The following TTBK2 variants were observed in gnomAD, a reference collection of about 807,000 sequenced individuals.
TTBK2 encodes the protein tau tubulin kinase 2.
In TTBK2, 28 loss-of-function variants were observed where a neutral mutation model predicts 110.8. That is an observed-to-expected ratio of 0.25 (90% confidence interval 0.19 to 0.35). The LOEUF (loss-of-function observed/expected upper bound fraction) is 0.35. Ranked by LOEUF, TTBK2 falls within the 10% of genes least tolerant of loss-of-function variation. The pLI is 1.00. For synonymous variants in TTBK2, 532 were observed against 527.3 expected (o/e 1.01, Z -0.12); for missense variants, 1,369 against 1,500.3 (o/e 0.91, Z 1.45).
intron 6 of TTBK2, among the ~76,000 whole-genome samples, chr15:42,827,253 T>A (rs111501079): frequency 7.0e-4 from 107 of 152,004 alleles, no homozygotes; most frequent in Non-Finnish European, 2.6e-4. Context: ...CGGAATAGAT[T>A]TCACTAAAAT....
In TTBK2 at chr15:42,849,442, T is replaced by C. The variant is rs572743136; in HGVS notation, c.218-9009A>G. On this transcript the variant is annotated intron_variant, in intron 3 of 14. Transcript: ENST00000267890. ...TATAATTTTAACATCTGTATGATCC[T>C]AGCATTGGCATCTATGTTCTATCTT... Among the ~76,000 whole-genome samples the C allele has an allele frequency of 6.6e-5, 10 of 152,356 alleles. No homozygotes were observed. In the East Asian group the frequency reaches 1.7e-3, roughly 26 times the overall value.
chr15:42,860,240 C>A (rs549969904), intron 3 of TTBK2, among the ~76,000 whole-genome samples: 1 of 152,040 alleles, frequency 6.6e-6, no homozygotes, highest in South Asian at 2.1e-4. Flanking sequence ...CCAGGAAATT[C>A]AGAAAACGCC....
intron 13 of TTBK2, among the ~76,000 whole-genome samples, chr15:42,758,512 A>G (rs990165734): frequency 2.0e-5 from 3 of 151,936 alleles, no homozygotes; most frequent in African/African-American, 7.3e-5. Flanking sequence ...AAAATTAGCC[A>G]GGCATGGTGG....
In TTBK2 at chr15:42,872,610, C is replaced by T; in HGVS notation, c.217+1G>A. The T allele has an allele frequency of 1.2e-6, 2 of 1,614,034 alleles. No homozygotes were observed. Among genetic ancestry groups the T allele is most frequent in the Non-Finnish European group, 1.7e-6 (2 of 1,179,958 alleles). On this transcript the variant is annotated splice_donor_variant, in intron 3 of 14. Transcript: ENST00000267890. LOFTEE classifies it high-confidence loss of function. ...AATTGTATATTCTACAAAGGGCTTA[C>T]CTTGCAGCTTTTTCAAAACAGCAAC...
At chr15:42,808,489 C>T (rs1350001011) in intron 9 of TTBK2, among the ~76,000 whole-genome samples, 1 of 151,892 alleles carries the variant, frequency 6.6e-6, no homozygotes, top group African/African-American at 2.4e-5. Flanking sequence ...ATGCTTTTTG[C>T]TTGTTGCTGG....
chr15:42,799,880 A>G (rs142215411), intron 9 of TTBK2, among the ~76,000 whole-genome samples: 11 of 152,242 alleles, frequency 7.2e-5, no homozygotes, highest in African/African-American at 2.4e-4. Flanking sequence ...TTCAAGATAC[A>G]AAGTAATAAA....
Position 42,844,665 on chromosome 15 carries a change from G to A in TTBK2, c.218-4232C>T, listed in dbSNP as rs556545714. On this transcript the variant is annotated intron_variant, in intron 3 of 14. Transcript: ENST00000267890. ...GCATTTAATCCTGCCAATAATGTAA[G>A]TATTATTATATTCTCCATTTTTCAA... is the stretch of plus-strand genomic sequence containing the variant. Among the ~76,000 whole-genome samples, 5 of 152,268 alleles carry A rather than the reference G, an allele frequency of 3.3e-5. 2 individuals carry two copies. The highest frequency in any genetic ancestry group is 1.2e-4 in the African/African-American group (5 of 41,550).
intron 10 of TTBK2, among the ~76,000 whole-genome samples, chr15:42,784,963 T>C (rs1255382164): frequency 1.3e-5 from 2 of 152,170 alleles, no homozygotes; most frequent in Non-Finnish European, 2.9e-5. Context: ...ACTTTCTCCC[T>C]GGCCTCTTGA....
At chr15:42,871,151 T>C (rs769053960) in intron 3 of TTBK2, among the ~76,000 whole-genome samples, 7 of 152,162 alleles carry the variant, frequency 4.6e-5, no homozygotes, top group Admixed American at 3.3e-4. Context: ...AGTCAAGGAC[T>C]ACCTCACTGA....
chr15:42,908,179 C>T (rs186133585), intron 1 of TTBK2: 11 of 152,106 alleles, frequency 7.2e-5, no homozygotes, highest in African/African-American at 2.2e-4. Flanking sequence ...TTTAGACTGG[C>T]GAAAGTACAG....
chr15:42,890,430 C>T (rs957992388), intron 1 of TTBK2, among the ~76,000 whole-genome samples: 9 of 152,152 alleles, frequency 5.9e-5, no homozygotes, highest in African/African-American at 1.9e-4. Context: ...GAGGATCCTT[C>T]CAGACTTTGC....
In TTBK2 at chr15:42,878,492, TAC is replaced by T. The variant is rs10650948; in HGVS notation, c.69+55_69+56del. ...ACCAAAAATTACCCCCCGATATGTA[TAC>T]ACACACACACACACACACACACACA... On this transcript the variant is annotated intron_variant, in intron 2 of 14. Transcript: ENST00000267890. 25,975 of 1,523,284 alleles carry T rather than the reference TAC, an allele frequency of 0.017. 82 individuals carry two copies. The highest frequency in any genetic ancestry group is 0.1 in the East Asian group (4,370 of 42,070). The allele number at this position is 1,523,284 out of a possible 1,614,324, so 94.4% of individuals were successfully genotyped here.
At chr15:42,881,071 C>G (rs1181729694) in intron 1 of TTBK2, among the ~76,000 whole-genome samples, 3 of 152,016 alleles carry the variant, frequency 2.0e-5, no homozygotes, top group African/African-American at 4.8e-5. Context: ...CTCTTGAGGT[C>G]AGGAGTTCGA....
At chr15:42,763,111 TATATATAC>T (rs1567008473) in intron 13 of TTBK2, among the ~76,000 whole-genome samples, 22 of 115,926 alleles carry the variant, frequency 1.9e-4, no homozygotes, top group African/African-American at 8.6e-4. Flanking sequence ...TACGTATATA[TATATATAC>T]ACATATATAT....
In TTBK2 at chr15:42,815,907, T is replaced by TA. The variant is rs1379708025; in HGVS notation, c.603+1124_603+1125insT. The stretch of plus-strand genomic sequence containing the variant: ...ATATATTTAAAAATATATATATATA[T>TA]TTAAAAATATATATATATTTAAAAA... On this transcript the variant is annotated intron_variant, in intron 7 of 14. Transcript: ENST00000267890. Among the ~76,000 whole-genome samples, 284 of 106,794 alleles carry TA rather than the reference T, an allele frequency of 2.7e-3. 8 individuals carry two copies. Among genetic ancestry groups the TA allele is most frequent in the African/African-American group, 0.012 (265 of 21,418 alleles). 70.1% of individuals were successfully genotyped at this position (106,794 alleles called of 152,430 possible).
At chr15:42,790,590 C>G (rs911680749) in intron 10 of TTBK2, among the ~76,000 whole-genome samples, 24 of 151,884 alleles carry the variant, frequency 1.6e-4, no homozygotes, top group African/African-American at 5.6e-4. Flanking sequence ...CTGGCCCGTA[C>G]TTTAATTTAT....
Position 42,746,104 on chromosome 15 carries a change from CTT to C in TTBK2, c.3424_3425del (p.Lys1142GlufsTer23). On this transcript the variant is annotated frameshift_variant, in exon 15 of 15. Coordinates refer to ENST00000267890, the MANE Select transcript of TTBK2 (RefSeq NM_173500.4). LOFTEE classifies it high-confidence loss of function. ...GACTCCTGCGAGGGACAACTGGACT[CTT>C]GGGTGGTGTTTTTGGATTGTGAGGA... Reference protein sequence around the residue: ...GSPHNPKTPPKSPVVPRRSPS... With the variant: ...GSPHNPKTPPXSPVVPRRSPS... 1.2e-6 allele frequency: 2 copies of C among 1,614,014 alleles called. No homozygotes were observed. The highest frequency in any genetic ancestry group is 1.7e-6 in the Non-Finnish European group (2 of 1,180,006).
chr15:42,763,182 ATATATATATATTTTTTTT>A (rs1567009051), intron 13 of TTBK2, among the ~76,000 whole-genome samples: 8 of 20,978 alleles, frequency 3.8e-4, no homozygotes, highest in African/African-American at 1.7e-3. Context: ...ATATATATAT[ATATATATATATTTTTTTT>A]TTTTTTTTTT....
At chr15:42,822,885 G>A (rs189705838) in intron 6 of TTBK2, among the ~76,000 whole-genome samples, 2 of 152,274 alleles carry the variant, frequency 1.3e-5, no homozygotes. Context: ...GAATGTAAAG[G>A]AGGGAATGTA....
Sources: allele counts gnomAD v4.1 joint callset (sites outside exome capture counted in the v4.1 genomes callset), GRCh38; gene constraint gnomAD v4.1.1; transcripts MANE v1.5; gene names NCBI Gene and HGNC (gene_info 2026-07-23, HGNC 2026-07-21).